The following CDK12 variants were observed in gnomAD, a reference collection of about 807,000 sequenced individuals.
CDK12 encodes the protein cyclin-dependent kinase 12.
CDK12 carries 17 observed loss-of-function variants against 133.8 expected under a neutral mutation model. The observed-to-expected ratio is 0.13, with a 90% CI of 0.09 to 0.19. The LOEUF (loss-of-function observed/expected upper bound fraction) is 0.19. CDK12 is among the 10% of genes least tolerant of loss of function. The pLI, the probability that CDK12 is intolerant of heterozygous loss-of-function variation, is 1.00. For synonymous variants in CDK12, 694 were observed against 683.6 expected, an observed-to-expected ratio of 1.02 and a Z score of -0.24; for missense variants, 1,508 against 1,818.7, an observed-to-expected ratio of 0.83 and a Z score of 3.11.
chr17:39,563,730 GC>G (rs1173219484), intron 3 of CDK12, among the ~76,000 whole-genome samples: 1 of 152,080 alleles, frequency 6.6e-6, no homozygotes. Flanking sequence ...CGCGAGCAGG[GC>G]TCGGCTGCCA....
chr17:39,490,071 A>G (rs1013287911), intron 2 of CDK12, among the ~76,000 whole-genome samples: 4 of 151,966 alleles, frequency 2.6e-5, no homozygotes, highest in African/African-American at 4.8e-5. Flanking sequence ...ATTTCTATTT[A>G]TAAAATTTAT....
intron 2 of CDK12, among the ~76,000 whole-genome samples, chr17:39,482,341 T>G (rs2050780053): frequency 6.6e-6 from 1 of 152,064 alleles, no homozygotes; most frequent in Non-Finnish European, 1.5e-5. Context: ...GCCTTGTTCA[T>G]TTGGAGCGTA....
At chr17:39,567,132 C>T (rs72827132), downstream of CDK12, 4 of 152,316 alleles carry the variant, frequency 2.6e-5, no homozygotes, top group East Asian at 5.8e-4. Context: ...CCTGTACTCA[C>T]AACTAGCGGG....
At chr17:39,503,183 C>G (rs1166655926) in intron 6 of CDK12, among the ~76,000 whole-genome samples, 1 of 152,170 alleles carries the variant, frequency 6.6e-6, no homozygotes, top group Non-Finnish European at 1.5e-5. Flanking sequence ...AGCGATGCTC[C>G]TGCCTCAGCC....
intron 2 of CDK12, among the ~76,000 whole-genome samples, chr17:39,475,283 A>G (rs2050109445): frequency 6.6e-6 from 1 of 152,008 alleles, no homozygotes. Context: ...CAGCCTGGAC[A>G]ACAACATAGT....
At chr17:39,488,134 T>C (rs55976670) in intron 2 of CDK12, among the ~76,000 whole-genome samples, 15,768 of 151,644 alleles carry the variant, frequency 0.1, 893 homozygotes, top group African/African-American at 0.15. Flanking sequence ...CTTAGGAGGC[T>C]AAGGTGAAAG....
At chr17:39,551,121 T>A (rs948072342) in exon 2 of CDK12, 3 of 152,132 alleles carry the variant, frequency 2.0e-5, no homozygotes, top group Non-Finnish European at 4.4e-5. Flanking sequence ...GGAGAATTTC[T>A]GGGAACACAG....
intron 8 of CDK12, among the ~76,000 whole-genome samples, chr17:39,513,862 A>G (rs1057242365): frequency 1.3e-5 from 2 of 152,212 alleles, no homozygotes; most frequent in African/African-American, 4.8e-5. Context: ...GAGAATTGGT[A>G]TGACAGTTCA....
chr17:39,471,136 T>C lies in CDK12; in HGVS notation c.1304T>C (p.Val435Ala), dbSNP rs1357889710. 6.3e-7 allele frequency: 1 copy of C among 1,598,550 alleles called. No homozygotes were observed. ...VFLPRKENSSVEAKDSGLESK... is the reference protein window; with the variant it reads ...VFLPRKENSSAEAKDSGLESK... ...TTGCCTAGAAAAGAGAACAGTTCAG[T>C]AGAGGCTAAGGATTCAGGTTTGGAG... The change falls in exon 2 of 14, where the codon GTA becomes GCA. Residue 435 changes from valine to alanine, a missense_variant. Val to Ala is a moderately conservative substitution (Grantham distance 64, BLOSUM62 0). Around this residue, in one of 9 missense-constraint regions of CDK12, gnomAD observed 347 missense variants for 330.8 expected, o/e 1.05. Coordinates refer to ENST00000447079, the MANE Select transcript of CDK12 (RefSeq NM_016507.4).
At chr17:39,490,909 C>T (rs1009614501) in intron 3 of CDK12, among the ~76,000 whole-genome samples, 176 bp downstream of exon 3, 1 of 152,136 alleles carries the variant, frequency 6.6e-6, no homozygotes, top group African/African-American at 2.4e-5. Flanking sequence ...GGTCATTCAT[C>T]TATGCCCTCA....
chr17:39,470,991 G>T lies in CDK12; in HGVS notation c.1159G>T (p.Val387Phe). The change falls in exon 2 of 14, where the codon GTC (valine) becomes TTC (phenylalanine). Residue 387 changes from valine to phenylalanine, a missense_variant. Transcript: ENST00000447079. ...SRSRHSSISP[V>F]RLPLNSSLGA... ...CAGTCGTCATTCCAGTATCTCACCT[G>T]TCAGGCTTCCACTTAATTCCAGTCT... The T allele has an allele frequency of 6.2e-7, 1 of 1,614,144 alleles. No homozygotes were observed. Among genetic ancestry groups the T allele is most frequent in the East Asian group, 2.2e-5 (1 of 44,882 alleles).
intron 1 of CDK12, among the ~76,000 whole-genome samples, chr17:39,463,841 G>C (rs959220238): frequency 1.1e-4 from 17 of 151,782 alleles, no homozygotes; most frequent in African/African-American, 4.1e-4. Flanking sequence ...ATTTTTGCGA[G>C]AAAGGCATGC....
At chr17:39,525,474 C>G (rs559554414) in intron 12 of CDK12, among the ~76,000 whole-genome samples, 7 of 152,258 alleles carry the variant, frequency 4.6e-5, no homozygotes, top group African/African-American at 1.7e-4. Context: ...TAGAATCATC[C>G]TGGAAGCTTT....
intron 2 of CDK12, among the ~76,000 whole-genome samples, chr17:39,476,711 CTTTTTTTTTTTTTTTT>C (rs879840168): frequency 5.9e-5 from 5 of 84,516 alleles, no homozygotes; most frequent in African/African-American, 2.9e-4. Context: ...CCATGCCTGC[CTTTTTTTTTTTTTTTT>C]TTTTTTTTTT....
intron 2 of CDK12, among the ~76,000 whole-genome samples, chr17:39,476,711 C>CATTTTTTTTTTT (rs1555553398): frequency 0.075 from 6,356 of 84,480 alleles, 2,489 homozygotes; most frequent in Non-Finnish European, 0.088. Context: ...CCATGCCTGC[C>CATTTTTTTTTTT]TTTTTTTTTT....
rs780116042 is a variant in CDK12 at position 39,462,660 on chromosome 17, C to T, written c.589C>T (p.Arg197Trp). The T allele has an allele frequency of 3.7e-6, 6 of 1,613,990 alleles. No individual in the cohort carries two copies. Among genetic ancestry groups the T allele is most frequent in the Non-Finnish European group, 5.1e-6 (6 of 1,180,002 alleles). Residue 197 changes from arginine (R) to tryptophan (W), a missense_variant, in exon 1 of 14, where the codon CGG becomes TGG. Arg to Trp is a moderately radical substitution (Grantham distance 101). Around this residue, in one of 9 missense-constraint regions of CDK12, gnomAD observed 460 missense variants for 490.8 expected, o/e 0.94. Transcript: ENST00000447079. ...GGAGCTGAAGTCTGGGCACAAAGAC[C>T]GGAGTAAAAGTCATCGAAAAAGGGA... ...ERELKSGHKD[R>W]SKSHRKRETP...
chr17:39,491,701 ATTTT>A (rs766596742), intron 3 of CDK12, among the ~76,000 whole-genome samples: 1 of 117,928 alleles, frequency 8.5e-6, no homozygotes. Context: ...CTGTTTATGT[ATTTT>A]TTTTTTTTTT....
chr17:39,534,972 C>T (rs2055066311), downstream of CDK12: 1 of 152,176 alleles, frequency 6.6e-6, no homozygotes, highest in Admixed American at 6.5e-5. Context: ...TACCTCAGTT[C>T]CCATGTTATT....
chr17:39,468,797 T>C (rs2145124335), intron 1 of CDK12, among the ~76,000 whole-genome samples: 1 of 150,646 alleles, frequency 6.6e-6, no homozygotes, highest in East Asian at 2.0e-4. Context: ...TTATTTTAAT[T>C]AATTAATTAA....
Sources: gnomAD v4.1 joint callset for allele counts (sites outside exome capture counted in the v4.1 genomes callset) on GRCh38, gnomAD v4.1.1 for gene constraint, gnomAD v4.1.1 regional missense constraint, MANE v1.5 for transcripts, NCBI Gene and HGNC (gene_info 2026-07-23, HGNC 2026-07-21) for gene names.